WWOX: variants seen among roughly 807,000 people sequenced by gnomAD.
WWOX encodes the protein WW domain containing oxidoreductase, also known as WW domain-containing oxidoreductase.
In WWOX, 69 loss-of-function variants were observed where a neutral mutation model predicts 46.2. The observed-to-expected ratio is 1.49, with a 90% CI of 1.23 to 1.82. The LOEUF (loss-of-function observed/expected upper bound fraction) is 1.82. Among genes scored for constraint, WWOX ranks in the 40% most tolerant of loss-of-function variants. The pLI is 0.00. For synonymous variants in WWOX, 359 were observed against 202.6 expected (o/e 1.77, Z -6.56); for missense variants, 919 against 542.6 (o/e 1.69, Z -6.89).
chr16:79,115,930 G>T (rs2049507012), intron 8 of WWOX, among the ~76,000 whole-genome samples: 1 of 152,280 alleles, frequency 6.6e-6, no homozygotes, highest in South Asian at 2.1e-4. Context: ...AGATATTGCA[G>T]ATCCCGTTCC....
intron 8 of WWOX, among the ~76,000 whole-genome samples, chr16:78,680,078 C>T (rs1412776031): frequency 6.6e-6 from 1 of 152,224 alleles, no homozygotes; most frequent in Non-Finnish European, 1.5e-5. Context: ...ATAACATTAG[C>T]TTCAGCCCTC....
At chr16:78,257,897 A>G (rs549776662) in intron 5 of WWOX, among the ~76,000 whole-genome samples, 1 of 150,418 alleles carries the variant, frequency 6.6e-6, no homozygotes, top group Admixed American at 6.6e-5. Context: ...TTCTAGAAAC[A>G]GGAACTGAGT....
At chr16:79,104,138 CA>C (rs1472165042) in intron 8 of WWOX, among the ~76,000 whole-genome samples, 1 of 149,400 alleles carries the variant, frequency 6.7e-6, no homozygotes, top group Admixed American at 6.8e-5. Context: ...AAGCTGGAAT[CA>C]AAAAGATTCA....
At chr16:78,602,235 C>T (rs1403242385) in intron 8 of WWOX, among the ~76,000 whole-genome samples, 2 of 152,038 alleles carry the variant, frequency 1.3e-5, no homozygotes, top group Non-Finnish European at 1.5e-5. Context: ...CTGGATAGAT[C>T]TGGATAGATT....
intron 8 of WWOX, among the ~76,000 whole-genome samples, chr16:78,730,558 C>G (rs1248358720): frequency 2.0e-5 from 3 of 151,784 alleles, no homozygotes; most frequent in Non-Finnish European, 2.9e-5. Context: ...CTCAAATGAT[C>G]CACCCAACCT....
chr16:79,128,598 G>A (rs566013838), intron 8 of WWOX, among the ~76,000 whole-genome samples: 1 of 152,268 alleles, frequency 6.6e-6, no homozygotes, highest in East Asian at 1.9e-4. Context: ...GATTTCAGTA[G>A]CAAATGCAGT....
chr16:79,000,483 T>A (rs967188835), intron 8 of WWOX, among the ~76,000 whole-genome samples: 1 of 152,000 alleles, frequency 6.6e-6, no homozygotes, highest in African/African-American at 2.4e-5. Flanking sequence ...GAGAGGCAGA[T>A]GGGTCATAAT....
At chr16:78,460,067 A>G (rs1016423247) in intron 8 of WWOX, among the ~76,000 whole-genome samples, 2 of 152,000 alleles carry the variant, frequency 1.3e-5, no homozygotes, top group African/African-American at 2.4e-5. Context: ...TCGGCCTCCC[A>G]AAGTGCTGGG....
chr16:79,080,016 C>A (rs946904532), intron 8 of WWOX, among the ~76,000 whole-genome samples: 1 of 152,148 alleles, frequency 6.6e-6, no homozygotes, highest in Non-Finnish European at 1.5e-5. Flanking sequence ...TACGATACCA[C>A]GCACTGCTTT....
At chr16:78,878,332 G>C (rs2044274596) in intron 8 of WWOX, among the ~76,000 whole-genome samples, 1 of 152,180 alleles carries the variant, frequency 6.6e-6, no homozygotes, top group Admixed American at 6.5e-5. Flanking sequence ...AGACTTTGCA[G>C]GCAGGCCCCT....
At chr16:78,419,854 A>G (rs936940166) in intron 6 of WWOX, among the ~76,000 whole-genome samples, 1 of 152,140 alleles carries the variant, frequency 6.6e-6, no homozygotes, top group Non-Finnish European at 1.5e-5. Flanking sequence ...AAGTGTACAG[A>G]TGACCTACAG....
chr16:78,928,487 C>T (rs2045551491), intron 8 of WWOX, among the ~76,000 whole-genome samples: 1 of 152,128 alleles, frequency 6.6e-6, no homozygotes, highest in Admixed American at 6.5e-5. Flanking sequence ...CAGGCGTGAG[C>T]CACCGCGCCC....
At chr16:78,971,567 A>G (rs954532027) in intron 8 of WWOX, among the ~76,000 whole-genome samples, 4 of 152,122 alleles carry the variant, frequency 2.6e-5, no homozygotes, top group Admixed American at 2.6e-4. Flanking sequence ...TGACGGGTCA[A>G]ATGGAGCAAA....
intron 8 of WWOX, among the ~76,000 whole-genome samples, chr16:78,714,330 A>G (rs903259878): frequency 2.0e-5 from 3 of 152,108 alleles, no homozygotes. Context: ...GGGGCGTCTT[A>G]CATGGTGGCA....
intron 8 of WWOX, among the ~76,000 whole-genome samples, chr16:79,208,136 G>A (rs188444680): frequency 2.6e-5 from 4 of 152,264 alleles, no homozygotes; most frequent in Non-Finnish European, 4.4e-5. Flanking sequence ...AGAGTCCTGG[G>A]TAATTTTACA....
At chr16:78,738,348 G>A (rs369035595) in intron 8 of WWOX, among the ~76,000 whole-genome samples, 28 of 152,212 alleles carry the variant, frequency 1.8e-4, no homozygotes, top group African/African-American at 6.5e-4. Context: ...GTAATAATTA[G>A]GCATAAAATC....
chr16:79,096,990 A>T (rs1034773764), intron 8 of WWOX, among the ~76,000 whole-genome samples: 6 of 152,044 alleles, frequency 3.9e-5, no homozygotes, highest in African/African-American at 1.4e-4. Flanking sequence ...GCATGCTGTC[A>T]TTCGTGGGTT....
chr16:78,396,393 A>G (rs770096817), intron 6 of WWOX, among the ~76,000 whole-genome samples: 3 of 152,206 alleles, frequency 2.0e-5, no homozygotes, highest in South Asian at 2.1e-4. Context: ...AACCACACCA[A>G]TGTTCACAAA....
chr16:78,936,491 G>T (rs368307880), intron 8 of WWOX, among the ~76,000 whole-genome samples: 47 of 152,276 alleles, frequency 3.1e-4, no homozygotes, highest in African/African-American at 1.1e-3. Flanking sequence ...GTGCTTGCTA[G>T]CAAGCAGCTG....
Sources: gnomAD v4.1 joint callset for allele counts (sites outside exome capture counted in the v4.1 genomes callset) on GRCh38, gnomAD v4.1.1 for gene constraint, MANE v1.5 for transcripts, NCBI Gene and HGNC (gene_info 2026-07-23, HGNC 2026-07-21) for gene names.